TLR5: variants seen among roughly 807,000 people sequenced by gnomAD.
The protein encoded by TLR5 is toll-like receptor 5.
For synonymous variants in TLR5, 373 were observed against 384.4 expected (o/e 0.97, Z 0.35); for missense variants, 944 against 999.8 (o/e 0.94, Z 0.75).
At chr1:223,125,360 G>T (rs372478445) in intron 5 of TLR5, among the ~76,000 whole-genome samples, 2 of 152,152 alleles carry the variant, frequency 1.3e-5, no homozygotes, top group African/African-American at 2.4e-5. Context: ...TGGAGAACCC[G>T]TGGGACTGTC....
At chr1:223,114,337 C>T (rs1048216148) in intron 5 of TLR5, among the ~76,000 whole-genome samples, 2 of 152,110 alleles carry the variant, frequency 1.3e-5, no homozygotes, top group Non-Finnish European at 2.9e-5. Context: ...CTATTATTTG[C>T]ACAGCACCTC....
chr1:223,140,259 T>C (rs1657781703), intron 2 of TLR5, among the ~76,000 whole-genome samples: 1 of 152,048 alleles, frequency 6.6e-6, no homozygotes, highest in African/African-American at 2.4e-5. Context: ...AAAAAACGCA[T>C]GGTCAGGCTG....
Position 223,117,420 on chromosome 1 carries a change from G to A in TLR5, c.-4-4385C>T, listed in dbSNP as rs142763372. Among the ~76,000 whole-genome samples the A allele has an allele frequency of 4.0e-3, 601 of 152,052 alleles. 6 individuals are homozygous for A. The highest frequency in any genetic ancestry group is 0.012 in the African/African-American group (490 of 41,486). Reference sequence around the variant, plus strand: ...GTGGGCTGAAGGGCTCCTCAAGCACGGCCAGAGTGGGCAGTGAGGCTGAGG... The same window carrying A: ...GTGGGCTGAAGGGCTCCTCAAGCACAGCCAGAGTGGGCAGTGAGGCTGAGG... On this transcript the variant is annotated intron_variant, in intron 5 of 5. Transcript: ENST00000642603.
At position 223,123,107 on chromosome 1, in the gene TLR5, G is replaced by C. The variant is rs1345509418; in HGVS notation, c.-5+9368C>G. On this transcript the variant is annotated intron_variant, in intron 5 of 5. Coordinates refer to ENST00000642603, the MANE Select transcript of TLR5 (RefSeq NM_003268.6). The stretch of plus-strand genomic sequence containing the variant: ...AATATTGAACTACCAGTATTTGCAG[G>C]AAAGAACAAACTTGGACCCCAAGTT... Among the ~76,000 whole-genome samples the C allele has an allele frequency of 2.6e-5, 4 of 152,214 alleles. No individual in the cohort carries two copies. The East Asian group carries it at 7.7e-4, about 29-fold the overall frequency.
At chr1:223,120,262 A>G (rs928147973) in intron 5 of TLR5, among the ~76,000 whole-genome samples, 1 of 152,120 alleles carries the variant, frequency 6.6e-6, no homozygotes, top group Non-Finnish European at 1.5e-5. Context: ...ATTCTTTCTA[A>G]AGCCTGCTAC....
Position 223,112,686 on chromosome 1 carries a change from GA to G in TLR5, c.345del (p.Gln116ArgfsTer21). ...AGTTCAAACAGATGGAACAGTCCCT[GA>G]AAAGCATCTGGATGCAAGAAGTATA... The part of the protein sequence containing the change: ...SKIYFLHPDA[F>X]QGLFHLFELR... On this transcript the variant is annotated frameshift_variant, in exon 6 of 6. Coordinates refer to ENST00000642603, the MANE Select transcript of TLR5 (RefSeq NM_003268.6). LOFTEE classifies it low-confidence loss of function (END_TRUNC). 2 of 1,614,234 alleles carry G rather than the reference GA, an allele frequency of 1.2e-6. No individual in the cohort carries two copies. The highest frequency in any genetic ancestry group is 1.7e-6 in the Non-Finnish European group (2 of 1,180,034).
At chr1:223,132,741 C>T (rs1234123668) in intron 4 of TLR5, 102 bp from the exon 5 acceptor site, 1 of 152,304 alleles carries the variant, frequency 6.6e-6, no homozygotes, top group Admixed American at 6.5e-5. Flanking sequence ...GAATTGCAAA[C>T]TTTCTGTGTA....
intron 5 of TLR5, among the ~76,000 whole-genome samples, chr1:223,121,841 T>C (rs1199282758): frequency 6.6e-6 from 1 of 152,152 alleles, no homozygotes; most frequent in African/African-American, 2.4e-5. Flanking sequence ...GGTGATGAGA[T>C]TGAGTAATGC....
At chr1:223,113,727 T>C (rs1323363200) in intron 5 of TLR5, among the ~76,000 whole-genome samples, 1 of 152,240 alleles carries the variant, frequency 6.6e-6, no homozygotes, top group Non-Finnish European at 1.5e-5. Context: ...CCCAACATGC[T>C]GGGATTACAG....
Position 223,111,583 on chromosome 1 carries a change from A to G in TLR5, c.1449T>C (p.Asn483=). 1.2e-6 allele frequency: 2 copies of G among 1,614,106 alleles called. No individual in the cohort carries two copies. Among genetic ancestry groups the G allele is most frequent in the South Asian group, 2.2e-5 (2 of 91,078 alleles). Residue 483 remains asparagine (N), a synonymous_variant, in exon 6 of 6, where the codon AAT becomes AAC. Transcript: ENST00000642603. ...PSLEQLFLGE[N]MLQLAWETEL... is the part of the protein sequence containing the mutation. ...CAGTTTCCCAGGCAAGTTGCAACAT[A>G]TTTTCTCCAAGGAAAAGCTGTTCTA...
intron 5 of TLR5, among the ~76,000 whole-genome samples, chr1:223,116,372 ACAGCTCTTAAGGTGG>A (rs1344639407): frequency 3.9e-5 from 6 of 152,012 alleles, no homozygotes; most frequent in Admixed American, 3.9e-4. Flanking sequence ...GGTGAGTGTT[ACAGCTCTTAAGGTGG>A]CGCGTCTGGA....
intron 1 of TLR5, 21 bp from the exon 2 acceptor site, chr1:223,141,784 CATATATATATATATATATATATATAT>C (rs142700046): frequency 1.3e-5 from 1 of 74,962 alleles, no homozygotes; most frequent in Non-Finnish European, 2.5e-5. Flanking sequence ...AAAAAAATTA[CATATATATATATATATATATATATAT>C]ATATATATAT....
chr1:223,135,410 C>G (rs995702117), intron 3 of TLR5, among the ~76,000 whole-genome samples: 2 of 152,140 alleles, frequency 1.3e-5, no homozygotes, highest in African/African-American at 4.8e-5. Flanking sequence ...TGAGTCAGGG[C>G]AGGGAGTCAG....
intron 5 of TLR5, among the ~76,000 whole-genome samples, chr1:223,129,977 C>T (rs1322655384): frequency 6.6e-6 from 1 of 152,108 alleles, no homozygotes; most frequent in Non-Finnish European, 1.5e-5. Context: ...ATACAAAGCA[C>T]GTCTATTAAG....
intron 5 of TLR5, chr1:223,129,210 G>A (rs1178417331): frequency 3.3e-5 from 5 of 152,172 alleles, no homozygotes; most frequent in Admixed American, 1.3e-4. Flanking sequence ...CCTCCTGCAC[G>A]TCTACACCTG....
chr1:223,117,585 AAAAG>A (rs1223672878), intron 5 of TLR5, among the ~76,000 whole-genome samples: 1 of 142,190 alleles, frequency 7.0e-6, no homozygotes, highest in African/African-American at 2.6e-5. Context: ...AAAAAAAAAG[AAAAG>A]AAAAGAAAAA....
chr1:223,128,041 G>C (rs1474920080), intron 5 of TLR5: 1 of 152,276 alleles, frequency 6.6e-6, no homozygotes, highest in Non-Finnish European at 1.5e-5. Flanking sequence ...CCATGTCTGA[G>C]AACCATGAGG....
rs138703616 is a variant in TLR5, at chr1:223,112,259, A to T, written c.773T>A (p.Leu258Ter). 419 of 1,614,108 alleles carry T rather than the reference A, an allele frequency of 2.6e-4. 1 individual carries two copies. In the Middle Eastern group the frequency reaches 3.6e-3, roughly 14 times the overall value. ...ACCCATGATGTGGTGGGCAAGAATC[A>T]AAGAGAAGGCCTGGCTTTTGCTGAT... ...NAISKSQAFS[L>*]ILAHHIMGAG... Residue 258 changes from leucine to a stop codon, truncating the protein, a stop_gained, in exon 6 of 6, where the codon TTG (leucine) becomes TAG (stop). Coordinates refer to ENST00000642603, the MANE Select transcript of TLR5 (RefSeq NM_003268.6). LOFTEE classifies it low-confidence loss of function (END_TRUNC).
intron 3 of TLR5, among the ~76,000 whole-genome samples, chr1:223,136,130 G>A (rs1273628781): frequency 6.6e-6 from 1 of 152,200 alleles, no homozygotes; most frequent in Non-Finnish European, 1.5e-5. Flanking sequence ...GTGCTGATGG[G>A]TAAAGCAGAG....
Sources: gnomAD v4.1 joint callset for allele counts (sites outside exome capture counted in the v4.1 genomes callset) on GRCh38, gnomAD v4.1.1 for gene constraint, MANE v1.5 for transcripts, NCBI Gene and HGNC (gene_info 2026-07-23, HGNC 2026-07-21) for gene names.